Variants in SGIP1 observed in about 807,000 individuals in gnomAD.
The protein encoded by SGIP1 is SH3-containing GRB2-like protein 3-interacting protein 1.
In SGIP1, 38 loss-of-function variants were observed where a neutral mutation model predicts 107.5. That is an observed-to-expected ratio of 0.35 (90% CI 0.27 to 0.46). The LOEUF is 0.46. Ranked by LOEUF, SGIP1 falls within the 20% of genes least tolerant of loss-of-function variation. The pLI, the probability that SGIP1 is intolerant of heterozygous loss-of-function variation, is 1.00. For missense variants in SGIP1, 929 were observed against 1,019.5 expected (o/e 0.91, Z 1.21); for synonymous variants, 365 against 366.1 (o/e 1.00, Z 0.03).
intron 1 of SGIP1, among the ~76,000 whole-genome samples, chr1:66,593,849 T>TA (rs979250859): frequency 6.6e-5 from 10 of 152,300 alleles, no homozygotes; most frequent in Admixed American, 1.3e-4. Context: ...TTTTTCTTTT[T>TA]AAAAAAATCT....
intron 3 of SGIP1, chr1:66,634,227 C>A (rs760379518): frequency 7.8e-7 from 1 of 1,275,130 alleles, no homozygotes; most frequent in South Asian, 1.3e-5. Context: ...GTTCTCTGGT[C>A]CCCTCTGACC....
intron 7 of SGIP1, among the ~76,000 whole-genome samples, chr1:66,655,451 G>C (rs561347032): frequency 1.3e-5 from 2 of 151,998 alleles, no homozygotes; most frequent in Admixed American, 1.3e-4. Flanking sequence ...TGCATTTGCC[G>C]TCTTCTAAAA....
chr1:66,639,523 G>A (rs1028274907), intron 4 of SGIP1, among the ~76,000 whole-genome samples: 2 of 152,144 alleles, frequency 1.3e-5, no homozygotes, highest in Admixed American at 6.5e-5. Flanking sequence ...ACAGTTCATC[G>A]TTAATATCCC....
intron 18 of SGIP1, chr1:66,704,745 T>C (rs1341192950): frequency 2.0e-5 from 3 of 152,178 alleles, no homozygotes; most frequent in African/African-American, 7.2e-5. Flanking sequence ...CTGACATAAA[T>C]GAATGAAGAA....
chr1:66,740,620 T>A, intron 22 of SGIP1, 38 bp from the exon 23 acceptor site: 1 of 1,394,102 alleles, frequency 7.2e-7, no homozygotes, highest in East Asian at 2.3e-5. Context: ...ACAAAAACTC[T>A]TGGATATGCA....
At chr1:66,703,252 G>A (rs548617967) in intron 18 of SGIP1, among the ~76,000 whole-genome samples, 36 of 152,144 alleles carry the variant, frequency 2.4e-4, no homozygotes, top group African/African-American at 7.7e-4. Flanking sequence ...AGAAGAGTTC[G>A]GCACTTCCTA....
intron 2 of SGIP1, among the ~76,000 whole-genome samples, chr1:66,628,227 T>G (rs2073405363): frequency 6.6e-6 from 1 of 152,166 alleles, no homozygotes; most frequent in Non-Finnish European, 1.5e-5. Context: ...TGTGTCTTTA[T>G]AGCAGCATGA....
chr1:66,715,793 A>G (rs959494694), intron 18 of SGIP1, among the ~76,000 whole-genome samples: 24 of 152,130 alleles, frequency 1.6e-4, no homozygotes. Flanking sequence ...TCACCAAATC[A>G]CAATTGTTTC....
In SGIP1 at chr1:66,682,320, G is replaced by A. The variant is rs2086911360; in HGVS notation, c.1266G>A (p.Val422=). 6.2e-7 allele frequency: 1 copy of A among 1,614,178 alleles called. No individual in the cohort carries two copies. Among genetic ancestry groups the A allele is most frequent in the East Asian group, 2.2e-5 (1 of 44,880 alleles). The change falls in exon 15 of 25, where the codon GTG becomes GTA. Residue 422 remains valine (V), a synonymous_variant. Transcript: ENST00000371037. ...CACCACCACCCACCTACAGGACTGTGGTTTCGTCCCCCGGACCTGGCTCGG... is the reference window on the plus strand; with the variant it reads ...CACCACCACCCACCTACAGGACTGTAGTTTCGTCCCCCGGACCTGGCTCGG... The part of the protein sequence containing the change: ...PPPPPPTYRT[V]VSSPGPGSGP...
intron 1 of SGIP1, among the ~76,000 whole-genome samples, chr1:66,588,092 A>G (rs72676196): frequency 0.13 from 19,976 of 152,186 alleles, 1,349 homozygotes; most frequent in South Asian, 0.14. Flanking sequence ...TGAAGTATTT[A>G]TGGAAGTATG....
At chr1:66,705,130 T>C (rs539288336) in intron 18 of SGIP1, among the ~76,000 whole-genome samples, 1 of 152,204 alleles carries the variant, frequency 6.6e-6, no homozygotes, top group South Asian at 2.1e-4. Flanking sequence ...TGTGTAATCA[T>C]TTCTGCTACA....
Position 66,639,812 on chromosome 1 carries a change from G to A in SGIP1, c.207G>A (p.Ala69=), listed in dbSNP as rs187876611. 294 of 1,611,710 alleles carry A rather than the reference G, an allele frequency of 1.8e-4. No homozygotes were observed. In the East Asian group the frequency reaches 5.5e-3, roughly 30 times the overall value. The stretch of plus-strand genomic sequence containing the variant: ...ATGGGGCACCAAATGGATTTTATGC[G>A]GAAATTGATTGGGAAAGATATGTGA... ...KSNGAPNGFY[A]EIDWERYNSP... is the part of the protein sequence containing the mutation. The change falls in exon 5 of 25, where the codon GCG becomes GCA. Residue 69 remains alanine, a synonymous_variant. Transcript: ENST00000371037.
At chr1:66,576,789 T>C (rs890543111) in intron 1 of SGIP1, among the ~76,000 whole-genome samples, 3 of 152,174 alleles carry the variant, frequency 2.0e-5, no homozygotes, top group African/African-American at 7.2e-5. Context: ...CTTGAAAGAA[T>C]ATGCTTTCAG....
chr1:66,644,923 G>C (rs2077407627), intron 7 of SGIP1, among the ~76,000 whole-genome samples: 1 of 152,126 alleles, frequency 6.6e-6, no homozygotes, highest in African/African-American at 2.4e-5. Flanking sequence ...CTTCTATAAT[G>C]GAAGGTGCAG....
intron 1 of SGIP1, among the ~76,000 whole-genome samples, chr1:66,606,112 A>G (rs1291451745): frequency 2.6e-5 from 4 of 152,298 alleles, no homozygotes; most frequent in Non-Finnish European, 4.4e-5. Context: ...TGTAGTAGGA[A>G]AAAATACTAG....
rs2082235406 is a variant in SGIP1 at position 66,664,974 on chromosome 1, G to A, written c.472-2556G>A. ...TTGTTGTGCTTTTGTTGTTGTTGTT[G>A]TTGTTGTTGTTTATCATACTTTAAG... On this transcript the variant is annotated intron_variant, in intron 8 of 24. Coordinates refer to ENST00000371037, the MANE Select transcript of SGIP1 (RefSeq NM_032291.4). Among the ~76,000 whole-genome samples the A allele has an allele frequency of 2.0e-5, 3 of 152,058 alleles. No homozygotes were observed. In the South Asian group the frequency reaches 6.2e-4, roughly 32 times the overall value.
intron 7 of SGIP1, among the ~76,000 whole-genome samples, chr1:66,645,715 G>A (rs1476260962): frequency 6.6e-6 from 1 of 152,186 alleles, no homozygotes; most frequent in Non-Finnish European, 1.5e-5. Flanking sequence ...GAAAAGGTGA[G>A]CAGGTTTCTG....
Position 66,633,050 on chromosome 1 carries a change from T to A in SGIP1, c.75-20T>A. The A allele has an allele frequency of 6.8e-7, 1 of 1,468,924 alleles. No homozygotes were observed. Among genetic ancestry groups the A allele is most frequent in the Non-Finnish European group, 9.5e-7 (1 of 1,049,902 alleles). 91.0% of individuals were successfully genotyped at this position (1,468,924 alleles called of 1,614,324 possible). A position where few individuals can be genotyped will look rare whatever the true frequency, so the allele number is the denominator to read the frequency against. On this transcript the variant is annotated intron_variant, in intron 2 of 24. Transcript: ENST00000371037. ...GAATGATTCCTTATCATAATAGCTA[T>A]CAATTTCTTTTTGTTACAGAGGTTC...
intron 1 of SGIP1, among the ~76,000 whole-genome samples, chr1:66,550,307 G>A (rs2057215763): frequency 6.6e-6 from 1 of 152,110 alleles, no homozygotes; most frequent in South Asian, 2.1e-4. Context: ...AGATTGGTGA[G>A]AGGAAGAGCT....
Sources: allele counts gnomAD v4.1 joint callset (sites outside exome capture counted in the v4.1 genomes callset), GRCh38; gene constraint gnomAD v4.1.1; transcripts MANE v1.5; gene names NCBI Gene and HGNC (gene_info 2026-07-23, HGNC 2026-07-21).